Variants in SLX4IP observed in about 807,000 individuals in gnomAD.
The protein encoded by SLX4IP is protein SLX4IP.
SLX4IP carries 34 observed loss-of-function variants against 32.9 expected under a neutral mutation model. The observed-to-expected ratio is 1.03, with a 90% CI of 0.79 to 1.38. SLX4IP has a LOEUF of 1.38. SLX4IP is among the 40% of genes most tolerant of loss of function. The pLI is 0.00. For missense variants in SLX4IP, 444 were observed against 479.0 expected (o/e 0.93, Z 0.68); for synonymous variants, 172 against 171.7 (o/e 1.00, Z -0.01).
intron 4 of SLX4IP, among the ~76,000 whole-genome samples, chr20:10,563,971 T>C (rs1180301354): frequency 6.6e-6 from 1 of 152,196 alleles, no homozygotes; most frequent in African/African-American, 2.4e-5. Context: ...TAGGGATTGG[T>C]TAATAAATGC....
In SLX4IP at chr20:10,623,400, T is replaced by C. The variant is rs1475075257; in HGVS notation, c.*21T>C. ...ATTAACACCGAAGAGGTTTGTACCG[T>C]TGGAGTTGAGGACATAGTGGCCAAA... On this transcript the variant is annotated 3_prime_UTR_variant, in exon 8 of 8. Coordinates refer to ENST00000334534, the MANE Select transcript of SLX4IP (RefSeq NM_001009608.3). The C allele has an allele frequency of 2.5e-6, 4 of 1,584,832 alleles. No individual in the cohort carries two copies. Among genetic ancestry groups the C allele is most frequent in the Non-Finnish European group, 2.6e-6 (3 of 1,167,008 alleles).
chr20:10,613,691 G>A (rs554104311), intron 6 of SLX4IP: 44 of 1,613,040 alleles, frequency 2.7e-5, no homozygotes, highest in Middle Eastern at 1.7e-4. Context: ...TGACAAAGGC[G>A]TTATAGGATG....
At chr20:10,609,933 TA>T (rs33940995) in intron 6 of SLX4IP, among the ~76,000 whole-genome samples, 24,631 of 150,352 alleles carry the variant, frequency 0.16, 2,390 homozygotes, top group South Asian at 0.23. Context: ...TCCTTAAAAT[TA>T]AAAAAAAAAT....
intron 6 of SLX4IP, among the ~76,000 whole-genome samples, chr20:10,618,519 C>T (rs1482822564): frequency 6.6e-6 from 1 of 152,162 alleles, no homozygotes; most frequent in Non-Finnish European, 1.5e-5. Context: ...GAGCTACCTT[C>T]CAGGTTGTAA....
chr20:10,483,717 A>C (rs2065546128), intron 2 of SLX4IP, among the ~76,000 whole-genome samples: 2 of 152,160 alleles, frequency 1.3e-5, no homozygotes, highest in Admixed American at 1.3e-4. Context: ...ATAATGATGG[A>C]GTTCAGGCCA....
At chr20:10,587,544 G>A (rs1412142097) in intron 4 of SLX4IP, among the ~76,000 whole-genome samples, 1 of 152,000 alleles carries the variant, frequency 6.6e-6, no homozygotes, top group East Asian at 1.9e-4. Context: ...TTGGTACATG[G>A]TATGATTGTA....
chr20:10,622,314 C>G (rs1033522752), intron 7 of SLX4IP, among the ~76,000 whole-genome samples: 2 of 96,426 alleles, frequency 2.1e-5, no homozygotes, highest in African/African-American at 3.3e-5. Context: ...CCTGAGTCTA[C>G]TCCTGGAAAA....
intron 2 of SLX4IP, among the ~76,000 whole-genome samples, chr20:10,510,933 G>A (rs2065802410): frequency 6.6e-6 from 1 of 152,166 alleles, no homozygotes; most frequent in South Asian, 2.1e-4. Flanking sequence ...TGGGCCCAGG[G>A]TGAATGGACG....
At position 10,622,720 on chromosome 20, in the gene SLX4IP, G is replaced by T; in HGVS notation, c.568G>T (p.Val190Leu). The change falls in exon 8 of 8, where the codon GTG becomes TTG. Residue 190 changes from valine to leucine, a missense_variant. Transcript: ENST00000334534. ...TSKSQTRRDT[V>L]ETSSDSVIAE... ...CAAATCGCAGACCAGAAGAGACACT[G>T]TGGAAACATCTAGTGACTCAGTGAT... 1 of 1,614,012 alleles carries T rather than the reference G, an allele frequency of 6.2e-7. No individual in the cohort carries two copies. Among genetic ancestry groups the T allele is most frequent in the Non-Finnish European group, 8.5e-7 (1 of 1,180,030 alleles).
chr20:10,618,787 T>G (rs530125289), intron 6 of SLX4IP, among the ~76,000 whole-genome samples: 11 of 152,354 alleles, frequency 7.2e-5, no homozygotes, highest in South Asian at 2.1e-4. Context: ...ATTATATATC[T>G]GCACCTTGGC....
At chr20:10,586,081 T>C (rs897201940) in intron 4 of SLX4IP, among the ~76,000 whole-genome samples, 20 of 152,224 alleles carry the variant, frequency 1.3e-4, no homozygotes, top group African/African-American at 4.8e-4. Flanking sequence ...ACACGTTTCA[T>C]TGACAACCAA....
At chr20:10,525,235 A>C (rs2065931620) in intron 2 of SLX4IP, among the ~76,000 whole-genome samples, 2 of 152,212 alleles carry the variant, frequency 1.3e-5, no homozygotes, top group Admixed American at 1.3e-4. Context: ...TTTAAGAAAA[A>C]GTAGCAGACC....
intron 2 of SLX4IP, among the ~76,000 whole-genome samples, chr20:10,475,298 G>A (rs2065466301): frequency 1.3e-5 from 2 of 152,228 alleles, no homozygotes; most frequent in African/African-American, 4.8e-5. Flanking sequence ...AGTGGAAAGT[G>A]AGGATCTCAG....
At chr20:10,610,816 G>A (rs1600154504) in intron 6 of SLX4IP, among the ~76,000 whole-genome samples, 1 of 152,184 alleles carries the variant, frequency 6.6e-6, no homozygotes, top group East Asian at 1.9e-4. Context: ...TATTCATTGC[G>A]ACTCTGTCCC....
At chr20:10,587,914 G>T (rs753312051) in intron 4 of SLX4IP, among the ~76,000 whole-genome samples, 1 of 152,038 alleles carries the variant, frequency 6.6e-6, no homozygotes, top group Admixed American at 6.5e-5. Flanking sequence ...TTGGGAAATG[G>T]CTCCTTGACA....
At chr20:10,439,375 A>C (rs2065142530) in intron 1 of SLX4IP, among the ~76,000 whole-genome samples, 1 of 151,858 alleles carries the variant, frequency 6.6e-6, no homozygotes, top group East Asian at 1.9e-4. Flanking sequence ...TGCCTGGCTA[A>C]TTTTTTGTAT....
At chr20:10,598,523 C>T (rs570865204) in intron 4 of SLX4IP, 152 bp from the exon 5 acceptor site, 5 of 742,036 alleles carry the variant, frequency 6.7e-6, no homozygotes, top group South Asian at 3.4e-5. Context: ...CTCGGCCTCC[C>T]GAATTGTTGG....
At chr20:10,448,618 A>G (rs1234017738) in intron 1 of SLX4IP, among the ~76,000 whole-genome samples, 1 of 152,114 alleles carries the variant, frequency 6.6e-6, no homozygotes, top group Non-Finnish European at 1.5e-5. Context: ...TCTGATTAAG[A>G]TTAAGAATGG....
At chr20:10,563,946 T>C (rs886902144) in intron 4 of SLX4IP, among the ~76,000 whole-genome samples, 2 of 152,226 alleles carry the variant, frequency 1.3e-5, no homozygotes, top group African/African-American at 2.4e-5. Context: ...GTGAAGAATG[T>C]CATTGGTATT....
Sources: allele counts gnomAD v4.1 joint callset (sites outside exome capture counted in the v4.1 genomes callset), GRCh38; gene constraint gnomAD v4.1.1; transcripts MANE v1.5; gene names NCBI Gene and HGNC (gene_info 2026-07-23, HGNC 2026-07-21).